Variants in GALNT18 observed in about 807,000 individuals in gnomAD.
GALNT18 encodes the protein GalNAc-transferase 18.
GALNT18 carries 44 observed loss-of-function variants against 69.5 expected under a neutral mutation model. That is an observed-to-expected ratio of 0.63 (90% CI 0.50 to 0.81). The LOEUF is 0.81. GALNT18 is among the 40% of genes least tolerant of loss of function. The pLI is 0.00. For synonymous variants in GALNT18, 364 were observed against 318.2 expected (o/e 1.14, Z -1.53); for missense variants, 715 against 810.0 (o/e 0.88, Z 1.42).
At chr11:11,609,533 G>A (rs932595688) in intron 1 of GALNT18, among the ~76,000 whole-genome samples, 2 of 152,162 alleles carry the variant, frequency 1.3e-5, no homozygotes, top group African/African-American at 4.8e-5. Context: ...CCCCAGCACA[G>A]GTGCTCAATA....
At chr11:11,394,429 G>A (rs1224830244) in intron 3 of GALNT18, among the ~76,000 whole-genome samples, 1 of 152,038 alleles carries the variant, frequency 6.6e-6, no homozygotes, top group South Asian at 2.1e-4. Context: ...CTTAGAAGAT[G>A]AGCCAAAAAA....
At position 11,616,159 on chromosome 11, in the gene GALNT18, A is replaced by C. The variant is rs1026696292; in HGVS notation, c.235+5200T>G. ...CCAAACACTGATAGTCTTAGAGAAC[A>C]ATAAGCAAGGACACAAATAGTCCCA... On this transcript the variant is annotated intron_variant, in intron 1 of 10. Coordinates refer to ENST00000227756, the MANE Select transcript of GALNT18 (RefSeq NM_198516.3). The surrounding 1 kb of genome is among the most constrained non-coding windows in gnomAD (Gnocchi z 4.4). 1.3e-5 allele frequency among the ~76,000 whole-genome samples: 2 copies of C among 152,166 alleles called. No homozygotes were observed. Among genetic ancestry groups the C allele is most frequent in the African/African-American group, 2.4e-5 (1 of 41,434 alleles).
At chr11:11,405,174 G>C (rs1854562299) in intron 3 of GALNT18, among the ~76,000 whole-genome samples, 1 of 151,670 alleles carries the variant, frequency 6.6e-6, no homozygotes, top group African/African-American at 2.4e-5. Context: ...GGTAATGGGA[G>C]GCAATGTGGG....
chr11:11,321,337 G>C (rs1435564171), intron 9 of GALNT18, among the ~76,000 whole-genome samples: 1 of 152,174 alleles, frequency 6.6e-6, no homozygotes, highest in Non-Finnish European at 1.5e-5. Flanking sequence ...GGAATGATGG[G>C]TTTGAACTTA....
chr11:11,450,567 G>A (rs1308949299), intron 1 of GALNT18, among the ~76,000 whole-genome samples: 2 of 152,212 alleles, frequency 1.3e-5, no homozygotes, highest in Non-Finnish European at 2.9e-5. Flanking sequence ...AGACCTCAGT[G>A]TGAGAGATGC....
chr11:11,416,387 G>C (rs925557285), intron 3 of GALNT18, among the ~76,000 whole-genome samples: 1 of 152,144 alleles, frequency 6.6e-6, no homozygotes, highest in South Asian at 2.1e-4. Flanking sequence ...TTCCTCCCGA[G>C]ACCAGGGTCG....
rs570070143 is a variant in GALNT18 at position 11,286,698 on chromosome 11, G to A, written c.1677+6331C>T. On this transcript the variant is annotated intron_variant, in intron 10 of 10. Transcript: ENST00000227756. ...GCCTCTGTCTCTGGCTTTTCATTAG[G>A]TGCTGGAGATACTGAAGTGTGAGAC... Among the ~76,000 whole-genome samples, 13 of 152,198 alleles carry A rather than the reference G, an allele frequency of 8.5e-5. 1 individual carries two copies. Among genetic ancestry groups the A allele is most frequent in the Middle Eastern group, 6.8e-3 (2 of 294 alleles).
rs1218372312 is a variant in GALNT18, at chr11:11,587,696, C to A, written c.235+33663G>T. ...CATCAACATCAAAACCAACCTATAA[C>A]AAGGAAAATTAACAGGCAACATTTC... On this transcript the variant is annotated intron_variant, in intron 1 of 10. Coordinates refer to ENST00000227756, the MANE Select transcript of GALNT18 (RefSeq NM_198516.3). This position sits in a 1 kb window ranked among gnomAD's most constrained non-coding sequence, Gnocchi z 4.4. Among the ~76,000 whole-genome samples the A allele has an allele frequency of 1.3e-5, 2 of 152,142 alleles. No homozygotes were observed. The highest frequency in any genetic ancestry group is 2.9e-5 in the Non-Finnish European group (2 of 68,034).
chr11:11,459,968 A>C lies in GALNT18; in HGVS notation c.236-11032T>G, dbSNP rs781037524. ...TTCCCAGTTTCCAGAGGCTGCCTGC[A>C]TTCCTTGGCTTATGGCCTCTTCCTC... On this transcript the variant is annotated intron_variant, in intron 1 of 10. Coordinates refer to ENST00000227756, the MANE Select transcript of GALNT18 (RefSeq NM_198516.3). This position sits in a 1 kb window ranked among gnomAD's most constrained non-coding sequence, Gnocchi z 5.0. 1.4e-4 allele frequency among the ~76,000 whole-genome samples: 21 copies of C among 152,138 alleles called. No individual in the cohort carries two copies. The highest frequency in any genetic ancestry group is 6.5e-4 in the Admixed American group (10 of 15,278).
chr11:11,537,314 A>C (rs1220695745), intron 1 of GALNT18, among the ~76,000 whole-genome samples: 4 of 152,168 alleles, frequency 2.6e-5, no homozygotes, highest in Non-Finnish European at 5.9e-5. Context: ...AATAAAGATA[A>C]ATATATTGCT....
rs1850026826 is a variant in GALNT18, at chr11:11,332,157, C to T, written c.1416+537G>A. On this transcript the variant is annotated intron_variant, in intron 8 of 10. Transcript: ENST00000227756. The surrounding 1 kb of genome is among the most constrained non-coding windows in gnomAD (Gnocchi z 4.3). ...GTCTAACTCCAAACCCTATGCTCTGCCCCCTCCATCTTTCTCCCTCCCATC... is the reference window on the plus strand; with the variant it reads ...GTCTAACTCCAAACCCTATGCTCTGTCCCCTCCATCTTTCTCCCTCCCATC... Among the ~76,000 whole-genome samples the T allele has an allele frequency of 6.6e-6, 1 of 152,060 alleles. No individual in the cohort carries two copies. Among genetic ancestry groups the T allele is most frequent in the South Asian group, 2.1e-4 (1 of 4,822 alleles).
At chr11:11,297,666 G>A (rs540458330) in intron 9 of GALNT18, among the ~76,000 whole-genome samples, 2 of 152,292 alleles carry the variant, frequency 1.3e-5, no homozygotes, top group South Asian at 2.1e-4. Context: ...ACAAAGTTCT[G>A]AGACAGCAGC....
intron 3 of GALNT18, among the ~76,000 whole-genome samples, chr11:11,412,584 CTG>C (rs1854756483): frequency 6.6e-6 from 1 of 152,234 alleles, no homozygotes; most frequent in East Asian, 1.9e-4. Flanking sequence ...ACCCTGGTCT[CTG>C]CATGACCTGC....
intron 1 of GALNT18, among the ~76,000 whole-genome samples, chr11:11,554,987 C>T (rs1442648878): frequency 6.6e-6 from 1 of 152,218 alleles, no homozygotes; most frequent in Non-Finnish European, 1.5e-5. Context: ...ATCTCTGAAC[C>T]TACTCTTGCA....
Position 11,372,548 on chromosome 11 carries a change from G to T in GALNT18, c.1059C>A (p.Val353=). The change falls in exon 6 of 11, where the codon GTC becomes GTA. Residue 353 remains valine (V), a synonymous_variant. Transcript: ENST00000227756. The surrounding 1 kb of genome is among the most constrained non-coding windows in gnomAD (Gnocchi z 4.9). The part of the protein sequence containing the change: ...EIGLLDEGME[V]YGGENVELGI... ...CAAGCTCCACATTCTCGCCCCCGTA[G>T]ACTTCCATGCCTTCGTCCAGCAGGC... 1 of 1,614,194 alleles carries T rather than the reference G, an allele frequency of 6.2e-7. No homozygotes were observed. Among genetic ancestry groups the T allele is most frequent in the South Asian group, 1.1e-5 (1 of 91,090 alleles).
At chr11:11,293,533 C>CTTTTTTTTTTTTTTTT (rs34166465) in intron 9 of GALNT18, among the ~76,000 whole-genome samples, 1 of 80,214 alleles carries the variant, frequency 1.2e-5, no homozygotes, top group African/African-American at 5.0e-5. Context: ...ACAAACCCCT[C>CTTTTTTTTTTTTTTTT]TTTTTTTTTT....
chr11:11,577,118 ATACT>A (rs1218150738), intron 1 of GALNT18, among the ~76,000 whole-genome samples: 4 of 152,190 alleles, frequency 2.6e-5, no homozygotes, highest in African/African-American at 9.7e-5. Context: ...GGGGATGATG[ATACT>A]TACCTCACAC....
chr11:11,508,300 T>A (rs546159649), intron 1 of GALNT18, among the ~76,000 whole-genome samples: 12 of 152,324 alleles, frequency 7.9e-5, no homozygotes, highest in African/African-American at 2.4e-4. Context: ...AGGTAGGAGA[T>A]CTTATAATGT....
intron 1 of GALNT18, among the ~76,000 whole-genome samples, chr11:11,589,549 G>A (rs1859304300): frequency 6.6e-6 from 1 of 151,586 alleles, no homozygotes; most frequent in African/African-American, 2.4e-5. Context: ...ATACTCATAA[G>A]AGCTTCAACC....
Sources: gnomAD v4.1 joint callset for allele counts (sites outside exome capture counted in the v4.1 genomes callset) on GRCh38, gnomAD v4.1.1 for gene constraint, Gnocchi (gnomAD v3.1) non-coding constraint, MANE v1.5 for transcripts, NCBI Gene and HGNC (gene_info 2026-07-23, HGNC 2026-07-21) for gene names.